The following CTNND2 variants were observed in gnomAD, a reference collection of about 807,000 sequenced individuals.
CTNND2 encodes the protein catenin delta 2.
CTNND2 carries 22 observed loss-of-function variants against 144.4 expected under a neutral mutation model. That is an observed-to-expected ratio of 0.15 (90% CI 0.11 to 0.22). CTNND2 has a LOEUF of 0.22. Ranked by LOEUF, CTNND2 falls within the 10% of genes least tolerant of loss-of-function variation. The pLI, the probability that CTNND2 is intolerant of heterozygous loss-of-function variation, is 1.00. For missense variants in CTNND2, 1,353 were observed against 1,618.8 expected (o/e 0.84, Z 2.82); for synonymous variants, 751 against 695.6 (o/e 1.08, Z -1.25).
At chr5:11,379,172 C>T (rs146542644) in intron 7 of CTNND2, among the ~76,000 whole-genome samples, 292 of 152,318 alleles carry the variant, frequency 1.9e-3, no homozygotes, top group African/African-American at 6.6e-3. Context: ...AAAATTGGTA[C>T]TGGTGAAGTT....
At chr5:11,609,285 T>C (rs1780205714) in intron 2 of CTNND2, among the ~76,000 whole-genome samples, 1 of 152,264 alleles carries the variant, frequency 6.6e-6, no homozygotes, top group Non-Finnish European at 1.5e-5. Context: ...GTTTAAGAAC[T>C]ATGCCTTCCT....
At chr5:11,000,081 T>A (rs148577854) in intron 18 of CTNND2, among the ~76,000 whole-genome samples, 2,339 of 152,304 alleles carry the variant, frequency 0.015, 22 homozygotes, top group Non-Finnish European at 0.024. Flanking sequence ...CATTTTATAT[T>A]TCTGAACATC....
chr5:11,664,008 A>G (rs1783419754), intron 2 of CTNND2, among the ~76,000 whole-genome samples: 1 of 152,188 alleles, frequency 6.6e-6, no homozygotes, highest in African/African-American at 2.4e-5. Flanking sequence ...TTCTTCTTCA[A>G]ATTCCATTAG....
intron 1 of CTNND2, among the ~76,000 whole-genome samples, chr5:11,756,224 TTC>T (rs1561767932): frequency 6.6e-6 from 1 of 151,614 alleles, no homozygotes; most frequent in Non-Finnish European, 1.5e-5. Flanking sequence ...AAGTGGCTGA[TTC>T]AAGAATATAG....
At chr5:11,579,589 G>A (rs1778252080) in intron 2 of CTNND2, among the ~76,000 whole-genome samples, 1 of 152,194 alleles carries the variant, frequency 6.6e-6, no homozygotes, top group Non-Finnish European at 1.5e-5. Flanking sequence ...GCTGGCTCAT[G>A]ATACAGCAGC....
chr5:11,281,611 C>T (rs1337687721), intron 9 of CTNND2, among the ~76,000 whole-genome samples: 11 of 152,198 alleles, frequency 7.2e-5, no homozygotes, highest in Non-Finnish European at 1.2e-4. Context: ...TTTGTTTCCT[C>T]ACATTTCTGG....
chr5:11,739,586 T>C (rs1336415822), intron 1 of CTNND2, among the ~76,000 whole-genome samples: 1 of 152,170 alleles, frequency 6.6e-6, no homozygotes, highest in Non-Finnish European at 1.5e-5. Flanking sequence ...CCACAGCTAA[T>C]ATCACACTGA....
intron 3 of CTNND2, among the ~76,000 whole-genome samples, chr5:11,562,611 A>C (rs926364486): frequency 9.2e-5 from 14 of 152,218 alleles, no homozygotes; most frequent in Admixed American, 7.2e-4. Context: ...TGTCATCTTC[A>C]CTCAACACTA....
chr5:11,271,180 T>A (rs570762280), intron 9 of CTNND2, among the ~76,000 whole-genome samples: 31 of 152,338 alleles, frequency 2.0e-4, no homozygotes, highest in Admixed American at 3.3e-4. Context: ...TCTAGTCTGT[T>A]CTGTTCTATT....
chr5:11,310,900 A>G (rs1169942863), intron 9 of CTNND2, among the ~76,000 whole-genome samples: 5 of 122,034 alleles, frequency 4.1e-5, no homozygotes, highest in African/African-American at 1.6e-4. Context: ...CACGCAATAC[A>G]CTCACACACA....
At chr5:11,767,282 T>C (rs1387248956) in intron 1 of CTNND2, among the ~76,000 whole-genome samples, 2 of 152,224 alleles carry the variant, frequency 1.3e-5, no homozygotes, top group African/African-American at 4.8e-5. Flanking sequence ...AGTGTTTTGA[T>C]GGCAGGAAAA....
At chr5:11,078,473 A>AT (rs1190845391) in intron 16 of CTNND2, among the ~76,000 whole-genome samples, 2 of 152,234 alleles carry the variant, frequency 1.3e-5, no homozygotes, top group African/African-American at 4.8e-5. Context: ...TTGATAGTAA[A>AT]GGTTTCGTTG....
intron 20 of CTNND2, among the ~76,000 whole-genome samples, chr5:10,983,413 A>G (rs1304651931): frequency 6.6e-6 from 1 of 152,150 alleles, no homozygotes; most frequent in African/African-American, 2.4e-5. Flanking sequence ...AAGTAGGATC[A>G]CTCTACCTAT....
At chr5:11,675,857 A>G (rs1581705004) in intron 2 of CTNND2, among the ~76,000 whole-genome samples, 1 of 151,020 alleles carries the variant, frequency 6.6e-6, no homozygotes, top group African/African-American at 2.4e-5. Flanking sequence ...ATGATCTTCA[A>G]TCTCTGATAT....
Position 11,652,400 on chromosome 5 carries a change from T to G in CTNND2, c.174+79736A>C, listed in dbSNP as rs141511553. On this transcript the variant is annotated intron_variant, in intron 2 of 21. Coordinates refer to ENST00000304623, the MANE Select transcript of CTNND2 (RefSeq NM_001332.4). Reference sequence around the variant, plus strand: ...ATTAAACCTCTTTTTGTTATATAAATAACTCAGTCTCAGGTGGTTCTTTAG... The same window carrying G: ...ATTAAACCTCTTTTTGTTATATAAAGAACTCAGTCTCAGGTGGTTCTTTAG... 1.6e-3 allele frequency among the ~76,000 whole-genome samples: 251 copies of G among 152,320 alleles called. 3 individuals are homozygous for G. The highest frequency in any genetic ancestry group is 0.014 in the Admixed American group (208 of 15,300).
At chr5:11,599,007 G>C (rs566090249) in intron 2 of CTNND2, among the ~76,000 whole-genome samples, 3 of 152,274 alleles carry the variant, frequency 2.0e-5, no homozygotes, top group East Asian at 1.9e-4. Flanking sequence ...AGGAGAAAGA[G>C]AGTGAGCAAG....
At chr5:11,454,148 G>A (rs974232787) in intron 3 of CTNND2, among the ~76,000 whole-genome samples, 9 of 152,184 alleles carry the variant, frequency 5.9e-5, no homozygotes, top group Non-Finnish European at 1.2e-4. Flanking sequence ...TAGGGCCAAC[G>A]CGGTGGCTCA....
At chr5:11,295,735 G>T (rs1483133307) in intron 9 of CTNND2, among the ~76,000 whole-genome samples, 1 of 152,232 alleles carries the variant, frequency 6.6e-6, no homozygotes, top group East Asian at 1.9e-4. Context: ...AATGGGGAAA[G>T]GATTCCCTAT....
intron 9 of CTNND2, among the ~76,000 whole-genome samples, chr5:11,242,018 T>C (rs1048625208): frequency 2.6e-5 from 4 of 151,398 alleles, no homozygotes; most frequent in African/African-American, 9.7e-5. Context: ...AGAGGACGGC[T>C]GTCTGGGAAC....
Sources: allele counts gnomAD v4.1 joint callset (sites outside exome capture counted in the v4.1 genomes callset), GRCh38; gene constraint gnomAD v4.1.1; transcripts MANE v1.5; gene names NCBI Gene and HGNC (gene_info 2026-07-23, HGNC 2026-07-21).